FAM72A: variants seen among roughly 807,000 people sequenced by gnomAD.
The protein encoded by FAM72A is regulator of UNG2 and MKLN1 interacting yippee protein 1, also known as protein FAM72A.
FAM72A carries 1 observed loss-of-function variant against 11.3 expected under a neutral mutation model. The ratio of observed to expected loss-of-function variants is 0.09; its 90% CI spans 0.03 to 0.42. The LOEUF is 0.42. FAM72A is among the 10% of genes least tolerant of loss of function. FAM72A has a pLI of 0.98. For missense variants in FAM72A, 15 were observed against 135.5 expected (o/e 0.11, Z 4.41); for synonymous variants, 5 against 46.9 (o/e 0.11, Z 3.65).
chr1:206,191,436 T>C (rs1382996206), intron 3 of FAM72A, among the ~76,000 whole-genome samples: 5 of 142,410 alleles, frequency 3.5e-5, no homozygotes, highest in Non-Finnish European at 6.0e-5. Flanking sequence ...CTGACCAACA[T>C]GGTGAAACCC....
At chr1:206,187,583 C>G (rs1664595909) in intron 3 of FAM72A, among the ~76,000 whole-genome samples, 1 of 152,054 alleles carries the variant, frequency 6.6e-6, no homozygotes, top group African/African-American at 2.4e-5. Context: ...GAGAAATTCT[C>G]TCTGTGTTGC....
At chr1:206,192,843 AT>A (rs1402302017) in intron 3 of FAM72A, among the ~76,000 whole-genome samples, 1 of 149,066 alleles carries the variant, frequency 6.7e-6, no homozygotes, top group Non-Finnish European at 1.5e-5. Context: ...GCAGCAAGTT[AT>A]CCAGAAGATC....
upstream of FAM72A, chr1:206,204,908 C>CG (rs1553300677): frequency 4.6e-5 from 3 of 65,526 alleles, no homozygotes; most frequent in African/African-American, 3.4e-4. Context: ...TGCAGATTTG[C>CG]CCCCCCCCCC....
chr1:206,193,757 A>T (rs1553297978), intron 3 of FAM72A, among the ~76,000 whole-genome samples: 1 of 150,426 alleles, frequency 6.6e-6, no homozygotes, highest in African/African-American at 2.5e-5. Context: ...ACGACAGCAA[A>T]TCTGTTTACA....
At position 206,191,724 on chromosome 1, in the gene FAM72A, ATTTT is replaced by A. The variant is rs1190560887; in HGVS notation, c.355+4024_355+4027del. On this transcript the variant is annotated intron_variant, in intron 3 of 3. Transcript: ENST00000367128. ...TAGTGTACTTTCTTACTAAAATATT[ATTTT>A]TTTTTTTTTTTTTTTTTGAGACAGG... 3.7e-3 allele frequency among the ~76,000 whole-genome samples: 382 copies of A among 103,498 alleles called. 1 individual carries two copies. The highest frequency in any genetic ancestry group is 0.01 in the Middle Eastern group (2 of 194). 67.9% of individuals were successfully genotyped at this position (103,498 alleles called of 152,430 possible).
chr1:206,198,319 G>C (rs1350604737), intron 2 of FAM72A, among the ~76,000 whole-genome samples: 5 of 150,300 alleles, frequency 3.3e-5, no homozygotes, highest in Non-Finnish European at 7.4e-5. Context: ...AGCTGAGATC[G>C]TGCCACTGCA....
At chr1:206,203,299 C>T (rs1192592175), upstream of FAM72A, 2 of 398,826 alleles carry the variant, frequency 5.0e-6, no homozygotes, top group Non-Finnish European at 8.9e-6. Flanking sequence ...ACCTTAATCC[C>T]GCCCATCAGT....
intron 3 of FAM72A, among the ~76,000 whole-genome samples, chr1:206,191,575 G>A (rs1664794400): frequency 6.8e-6 from 1 of 147,932 alleles, no homozygotes; most frequent in South Asian, 2.1e-4. Context: ...TGACACCATT[G>A]CACATCAGCC....
chr1:206,191,612 CA>C (rs541222246), intron 3 of FAM72A, among the ~76,000 whole-genome samples: 2,074 of 85,424 alleles, frequency 0.024, 57 homozygotes, highest in African/African-American at 0.064. Flanking sequence ...AACTCTGTCT[CA>C]AAAAAAAAAA....
chr1:206,194,059 ACC>A, intron 3 of FAM72A, among the ~76,000 whole-genome samples: 1 of 150,470 alleles, frequency 6.6e-6, no homozygotes, highest in South Asian at 2.1e-4. Flanking sequence ...TACATTGAAA[ACC>A]TGGAAAAGCA....
chr1:206,187,239 A>C lies in FAM72A; in HGVS notation c.*40T>G, dbSNP rs1553296959. On this transcript the variant is annotated 3_prime_UTR_variant, in exon 4 of 4. Coordinates refer to ENST00000367128, the MANE Select transcript of FAM72A (RefSeq NM_001123168.3). ...AGTTGATCCATTAATATATTTTTAA[A>C]TAGAAAAAAGTTTGTATATCATATA... 6.8e-7 allele frequency: 1 copy of C among 1,461,404 alleles called. No homozygotes were observed. Among genetic ancestry groups the C allele is most frequent in the African/African-American group, 1.5e-5 (1 of 68,238 alleles). 90.5% of individuals were successfully genotyped at this position (1,461,404 alleles called of 1,614,324 possible). A position where few individuals can be genotyped will look rare whatever the true frequency, so the allele number is the denominator to read the frequency against.
intron 3 of FAM72A, among the ~76,000 whole-genome samples, chr1:206,188,481 GC>G (rs1439730585): frequency 6.6e-6 from 1 of 150,560 alleles, no homozygotes; most frequent in Non-Finnish European, 1.5e-5. Flanking sequence ...CTCTAGGATA[GC>G]CAATTAACTT....
intron 3 of FAM72A, 36 bp from the exon 4 acceptor site, chr1:206,187,409 A>G (rs1553297021): frequency 6.2e-7 from 1 of 1,606,828 alleles, no homozygotes; most frequent in Admixed American, 1.7e-5. Flanking sequence ...TTTAATGCTT[A>G]CTACTGTTAT....
At chr1:206,189,352 G>GC in intron 3 of FAM72A, among the ~76,000 whole-genome samples, 2 of 148,342 alleles carry the variant, frequency 1.3e-5, no homozygotes, top group African/African-American at 5.0e-5. Context: ...ATCTAATCTG[G>GC]CAAGAATTTA....
intron 3 of FAM72A, among the ~76,000 whole-genome samples, chr1:206,191,732 T>TAGTAAATATAATA: frequency 7.0e-6 from 1 of 143,720 alleles, no homozygotes; most frequent in African/African-American, 2.6e-5. Context: ...TTATTTTTTT[T>TAGTAAATATAATA]TTTTTTTTTT....
At chr1:206,192,945 C>T (rs1553297785) in intron 3 of FAM72A, among the ~76,000 whole-genome samples, 5 of 150,364 alleles carry the variant, frequency 3.3e-5, no homozygotes, top group Admixed American at 1.3e-4. Flanking sequence ...TGGAGTTTCA[C>T]TTTTGTTGCC....
At chr1:206,193,557 C>T (rs2102383719) in intron 3 of FAM72A, among the ~76,000 whole-genome samples, 1 of 152,244 alleles carries the variant, frequency 6.6e-6, no homozygotes, top group African/African-American at 2.4e-5. Flanking sequence ...ACTTTCATAG[C>T]TAGAGAGGAG....
chr1:206,199,087 AAAAG>A (rs879988911), intron 2 of FAM72A, among the ~76,000 whole-genome samples: 3,200 of 138,116 alleles, frequency 0.023, 96 homozygotes, highest in African/African-American at 0.063. Flanking sequence ...CCTTCTCAAA[AAAAG>A]AAAGAAAGAA....
intron 3 of FAM72A, among the ~76,000 whole-genome samples, chr1:206,191,491 TA>T (rs1664789441): frequency 6.7e-6 from 1 of 149,020 alleles, no homozygotes; most frequent in Non-Finnish European, 1.5e-5. Context: ...CGTATGCCTG[TA>T]ATCTCGCTAC....
Sources: gnomAD v4.1 joint callset for allele counts (sites outside exome capture counted in the v4.1 genomes callset) on GRCh38, gnomAD v4.1.1 for gene constraint, MANE v1.5 for transcripts, NCBI Gene and HGNC (gene_info 2026-07-23, HGNC 2026-07-21) for gene names.